The following NDUFAF6 variants were observed in gnomAD, a reference collection of about 807,000 sequenced individuals.
The protein encoded by NDUFAF6 is NADH dehydrogenase (ubiquinone) complex I, assembly factor 6.
Under a neutral mutation model 40.8 loss-of-function variants are expected in NDUFAF6, and 45 were observed. That is an observed-to-expected ratio of 1.10 (90% CI 0.87 to 1.42). The LOEUF (loss-of-function observed/expected upper bound fraction) is 1.42. NDUFAF6 is among the 40% of genes most tolerant of loss of function. The pLI is 0.00. For synonymous variants in NDUFAF6, 185 were observed against 155.9 expected, an observed-to-expected ratio of 1.19 and a Z score of -1.39; for missense variants, 435 against 418.5, an observed-to-expected ratio of 1.04 and a Z score of -0.34.
rs1448035705 is a variant in NDUFAF6, at chr8:95,048,628, T to A, written c.816+70T>A. 4 of 1,079,194 alleles carry A rather than the reference T, an allele frequency of 3.7e-6. No homozygotes were observed. In the African/African-American group the frequency reaches 6.2e-5, roughly 17 times the overall value. The allele number at this position is 1,079,194 out of a possible 1,614,324, so 66.9% of individuals were successfully genotyped here. ...TCTAGATGTGGCTCTTCTTAGAACA[T>A]GGTTATGATATTCCCAACTTGGCAG... On this transcript the variant is annotated intron_variant, in intron 7 of 8. Coordinates refer to ENST00000396124, the MANE Select transcript of NDUFAF6 (RefSeq NM_152416.4).
intron 9 of NDUFAF6, among the ~76,000 whole-genome samples, chr8:95,070,860 T>A (rs1832825371): frequency 6.6e-6 from 1 of 152,216 alleles, no homozygotes; most frequent in South Asian, 2.1e-4. Flanking sequence ...TTTTGAAGCA[T>A]ATCTCCCATG....
intron 1 of NDUFAF6, among the ~76,000 whole-genome samples, chr8:94,911,806 C>T (rs1033259252): frequency 1.3e-5 from 2 of 152,116 alleles, no homozygotes; most frequent in African/African-American, 4.8e-5. Context: ...AGCTTTGGCA[C>T]GTTAGTGAGG....
chr8:95,080,449 G>GT (rs1368823898), downstream of NDUFAF6, among the ~76,000 whole-genome samples: 1 of 104,210 alleles, frequency 9.6e-6, no homozygotes, highest in African/African-American at 3.8e-5. Flanking sequence ...TTTTTGTAGT[G>GT]ATTTTTGTAG....
intron 3 of NDUFAF6, chr8:95,040,768 T>G (rs1830057049): frequency 6.6e-6 from 1 of 152,252 alleles, no homozygotes; most frequent in Admixed American, 6.5e-5. Context: ...TGTGACACGC[T>G]TCCGTCATTT....
chr8:95,112,532 C>T (rs1266849396), intron 4 of NDUFAF6, among the ~76,000 whole-genome samples: 2 of 152,206 alleles, frequency 1.3e-5, no homozygotes, highest in African/African-American at 4.8e-5. Flanking sequence ...GCCTCTAAAA[C>T]TATGAGAGAG....
intron 1 of NDUFAF6, among the ~76,000 whole-genome samples, chr8:94,965,339 G>A (rs1052192750): frequency 3.3e-5 from 5 of 152,166 alleles, no homozygotes; most frequent in Non-Finnish European, 7.3e-5. Flanking sequence ...GTGAGTCCCC[G>A]GGGAATGAGG....
Position 94,904,320 on chromosome 8 carries a change from C to CTTTTTTTTT in NDUFAF6, c.-936+8422_-936+8430dup, listed in dbSNP as rs57749627. Among the ~76,000 whole-genome samples, 61 of 34,136 alleles carry CTTTTTTTTT rather than the reference C, an allele frequency of 1.8e-3. 20 individuals are homozygous for CTTTTTTTTT. The highest frequency in any genetic ancestry group is 7.1e-3 in the African/African-American group (47 of 6,580). 22.4% of individuals were successfully genotyped at this position (34,136 alleles called of 152,430 possible). On this transcript the variant is annotated intron_variant, in intron 1 of 14. Coordinates refer to the NDUFAF6 transcript ENST00000396113. ...CATCACACCTGGCTAATTTTTTTTGCTTTTTTTTTTTTTTTTTTTTTTTTT... is the reference window on the plus strand; with the variant it reads ...CATCACACCTGGCTAATTTTTTTTGCTTTTTTTTTTTTTTTTTTTTTTTTTTTTTTTTTT...
chr8:95,062,646 A>G (rs138419544), downstream of NDUFAF6, among the ~76,000 whole-genome samples: 499 of 152,324 alleles, frequency 3.3e-3, no homozygotes, highest in African/African-American at 0.011. Flanking sequence ...AATGGTAGAT[A>G]AATAACAAGG....
chr8:95,049,625 C>T (rs1017321678), intron 7 of NDUFAF6, among the ~76,000 whole-genome samples: 4 of 152,048 alleles, frequency 2.6e-5, no homozygotes, highest in Admixed American at 2.6e-4. Flanking sequence ...ACCTGCATAC[C>T]ACAGGGCTTT....
At chr8:94,982,954 C>T (rs1825565259) in intron 2 of NDUFAF6, among the ~76,000 whole-genome samples, 1 of 152,234 alleles carries the variant, frequency 6.6e-6, no homozygotes, top group Non-Finnish European at 1.5e-5. Context: ...CTGGTCAGCC[C>T]TGGAACATGG....
rs564377224 is a variant in NDUFAF6, at chr8:94,997,158, C to T, written c.-84+16185C>T. Among the ~76,000 whole-genome samples, 5 of 152,240 alleles carry T rather than the reference C, an allele frequency of 3.3e-5. No homozygotes were observed. In the South Asian group the frequency reaches 6.2e-4, roughly 19 times the overall value. On this transcript the variant is annotated intron_variant, in intron 2 of 9. Coordinates refer to the NDUFAF6 transcript ENST00000396111. ...TTATCCTTCATTTTGTGGAGAGGAACGTGACAGATGTGGTAGAATGGGGAG... is the reference window on the plus strand; with the variant it reads ...TTATCCTTCATTTTGTGGAGAGGAATGTGACAGATGTGGTAGAATGGGGAG...
Position 95,047,093 on chromosome 8 carries a change from G to GA in NDUFAF6, c.683dup (p.Val229GlyfsTer25). On this transcript the variant is annotated frameshift_variant, in exon 6 of 9. Transcript: ENST00000396124. LOFTEE classifies it high-confidence loss of function. ...GCAACACCATATCATGGGAGCAGAAGAAAGGTGTTCCTTCCCATGGATATT... is the reference window on the plus strand; with the variant it reads ...GCAACACCATATCATGGGAGCAGAAGAAAAGGTGTTCCTTCCCATGGATATT... 1.2e-6 allele frequency: 2 copies of GA among 1,614,184 alleles called. No homozygotes were observed. The highest frequency in any genetic ancestry group is 1.7e-6 in the Non-Finnish European group (2 of 1,180,014).
At position 94,997,612 on chromosome 8, in the gene NDUFAF6, T is replaced by C. The variant is rs1826515244; in HGVS notation, c.-84+16639T>C. On this transcript the variant is annotated intron_variant, in intron 2 of 9. Transcript: ENST00000396111. ...GGAATAGCTGGCTCTCAATTAGCTG[T>C]CTTATTAAAAGGATTCACAGGGCTA... Among the ~76,000 whole-genome samples the C allele has an allele frequency of 2.0e-5, 3 of 152,184 alleles. No individual in the cohort carries two copies. The East Asian group carries it at 5.8e-4, about 29-fold the overall frequency.
downstream of NDUFAF6, among the ~76,000 whole-genome samples, chr8:95,108,115 G>A (rs911752943): frequency 2.0e-5 from 3 of 152,148 alleles, no homozygotes; most frequent in Non-Finnish European, 4.4e-5. Context: ...TACTTTGCTG[G>A]TGGGATGTAA....
At chr8:95,048,046 T>C (rs367794634) in intron 6 of NDUFAF6, among the ~76,000 whole-genome samples, 197 of 152,034 alleles carry the variant, frequency 1.3e-3, no homozygotes, top group African/African-American at 4.6e-3. Flanking sequence ...ATACAAAAAT[T>C]AGCTGGGTGT....
At chr8:94,949,561 A>G (rs1202973350) in intron 2 of NDUFAF6, 1 of 151,796 alleles carries the variant, frequency 6.6e-6, no homozygotes, top group Non-Finnish European at 1.5e-5. Context: ...CCGGGCAACA[A>G]AAACCGGGAG....
At chr8:94,954,392 T>C (rs1376060385), upstream of NDUFAF6, among the ~76,000 whole-genome samples, 2 of 152,166 alleles carry the variant, frequency 1.3e-5, no homozygotes, top group Non-Finnish European at 1.5e-5. Flanking sequence ...GCACTTACTC[T>C]ATGCCAGGCA....
At chr8:94,914,283 A>G (rs1358392219) in intron 1 of NDUFAF6, among the ~76,000 whole-genome samples, 1 of 151,970 alleles carries the variant, frequency 6.6e-6, no homozygotes, top group African/African-American at 2.4e-5. Context: ...TCATCTGTAG[A>G]TTTGGTTTCA....
intron 2 of NDUFAF6, among the ~76,000 whole-genome samples, chr8:95,085,914 A>G (rs1397456194): frequency 6.6e-6 from 1 of 152,204 alleles, no homozygotes; most frequent in Non-Finnish European, 1.5e-5. Context: ...AATGAACTAC[A>G]AACTCTGATC....
Sources: allele counts gnomAD v4.1 joint callset (sites outside exome capture counted in the v4.1 genomes callset), GRCh38; gene constraint gnomAD v4.1.1; transcripts MANE v1.5; gene names NCBI Gene and HGNC (gene_info 2026-07-23, HGNC 2026-07-21).